Variants in PRDM5 observed in about 807,000 individuals in gnomAD.
The protein encoded by PRDM5 is PR/SET domain 5, also known as PR domain zinc finger protein 5.
A neutral mutation model predicts 81.2 loss-of-function variants in PRDM5; 56 were observed. The observed-to-expected ratio is 0.69, with a 90% CI of 0.56 to 0.86. PRDM5 has a LOEUF of 0.86. Among genes scored for constraint, PRDM5 ranks in the 40% least tolerant of loss-of-function variants. The probability of loss-of-function intolerance (pLI) is 0.00; values close to 1 mark genes in which losing one functional copy is unlikely to be tolerated. For synonymous variants in PRDM5, 267 were observed against 256.4 expected, an observed-to-expected ratio of 1.04 and a Z score of -0.39; for missense variants, 697 against 770.1, an observed-to-expected ratio of 0.91 and a Z score of 1.12.
chr4:120,759,250 T>C (rs1479980889), intron 13 of PRDM5, among the ~76,000 whole-genome samples: 2 of 152,224 alleles, frequency 1.3e-5, no homozygotes, highest in East Asian at 3.8e-4. Flanking sequence ...CATTCTATCC[T>C]AGAATGTACT....
rs1734119518 is a variant in PRDM5, at chr4:120,692,460, T to C, written c.*2651A>G. On this transcript the variant is annotated 3_prime_UTR_variant, in exon 16 of 16. Transcript: ENST00000264808. Reference sequence around the variant, plus strand: ...ACCAAGAATACTTCCATGGTGCAACTGCTGATTATAATTTACCAATAAATG... The same window carrying C: ...ACCAAGAATACTTCCATGGTGCAACCGCTGATTATAATTTACCAATAAATG... 6.6e-6 allele frequency: 1 copy of C among 152,084 alleles called. No individual in the cohort carries two copies. The highest frequency in any genetic ancestry group is 1.5e-5 in the Non-Finnish European group (1 of 67,988). 9.4% of individuals were successfully genotyped at this position (152,084 alleles called of 1,614,324 possible). A position where few individuals can be genotyped will look rare whatever the true frequency, so the allele number is the denominator to read the frequency against.
chr4:120,742,945 C>T (rs1742312050), intron 14 of PRDM5, among the ~76,000 whole-genome samples: 1 of 152,004 alleles, frequency 6.6e-6, no homozygotes, highest in South Asian at 2.1e-4. Flanking sequence ...AAAGATACTC[C>T]TCGAGAAGAG....
At chr4:120,917,056 A>C (rs1037673556) in intron 1 of PRDM5, among the ~76,000 whole-genome samples, 14 of 152,200 alleles carry the variant, frequency 9.2e-5, no homozygotes, top group African/African-American at 2.9e-4. Context: ...CACGCAAAGT[A>C]AAAGTCAAAG....
chr4:120,919,411 T>C (rs2148720266), intron 1 of PRDM5, among the ~76,000 whole-genome samples: 1 of 152,302 alleles, frequency 6.6e-6, no homozygotes, highest in African/African-American at 2.4e-5. Flanking sequence ...ACCTACAGCC[T>C]AAAATATCCA....
chr4:120,771,803 T>C (rs1747337765), intron 13 of PRDM5, among the ~76,000 whole-genome samples: 1 of 152,182 alleles, frequency 6.6e-6, no homozygotes, highest in Non-Finnish European at 1.5e-5. Context: ...AGTAAAGGCT[T>C]GCCACGGTAT....
intron 14 of PRDM5, among the ~76,000 whole-genome samples, chr4:120,747,340 C>G (rs1170834572): frequency 1.3e-5 from 2 of 149,028 alleles, no homozygotes; most frequent in South Asian, 4.3e-4. Context: ...TGCTAGATGA[C>G]GAGTTAGTGG....
At chr4:120,860,075 C>T (rs754792800) in intron 2 of PRDM5, among the ~76,000 whole-genome samples, 1 of 152,130 alleles carries the variant, frequency 6.6e-6, no homozygotes, top group Non-Finnish European at 1.5e-5. Flanking sequence ...CCTTTATAAA[C>T]AATCCATATT....
At chr4:120,760,126 C>A (rs891312688) in intron 13 of PRDM5, among the ~76,000 whole-genome samples, 2 of 152,182 alleles carry the variant, frequency 1.3e-5, no homozygotes, top group Non-Finnish European at 2.9e-5. Context: ...CATGCCATCA[C>A]ATAAATTAGT....
intron 14 of PRDM5, among the ~76,000 whole-genome samples, chr4:120,712,425 C>G (rs7657769): frequency 6.6e-6 from 1 of 151,826 alleles, no homozygotes; most frequent in African/African-American, 2.4e-5. Flanking sequence ...ATGTAAATAA[C>G]CAGAGAGACA....
chr4:120,891,442 T>C (rs76843743), intron 2 of PRDM5, among the ~76,000 whole-genome samples: 9,317 of 152,234 alleles, frequency 0.061, 368 homozygotes, highest in East Asian at 0.15. Flanking sequence ...TTAGTCTAAC[T>C]AGTGGTCCAT....
At chr4:120,802,277 C>G (rs1206317270) in intron 8 of PRDM5, among the ~76,000 whole-genome samples, 1 of 152,156 alleles carries the variant, frequency 6.6e-6, no homozygotes, top group Non-Finnish European at 1.5e-5. Context: ...GAGGGCAGTT[C>G]CAAGATCGCT....
At chr4:120,803,579 C>A (rs1204482766) in intron 8 of PRDM5, among the ~76,000 whole-genome samples, 2 of 152,138 alleles carry the variant, frequency 1.3e-5, no homozygotes, top group Non-Finnish European at 2.9e-5. Flanking sequence ...GAATTTTCAA[C>A]CCAGCATTTC....
At chr4:120,862,243 T>C (rs1019705494) in intron 2 of PRDM5, among the ~76,000 whole-genome samples, 2 of 152,354 alleles carry the variant, frequency 1.3e-5, no homozygotes, top group Middle Eastern at 3.4e-3. Context: ...CATTTCTTTA[T>C]TGGTTATTTT....
intron 1 of PRDM5, among the ~76,000 whole-genome samples, chr4:120,908,931 G>A (rs1766166127): frequency 6.6e-6 from 1 of 152,090 alleles, no homozygotes; most frequent in Non-Finnish European, 1.5e-5. Context: ...GCCCCAAAGA[G>A]GCTTTCTTTA....
intron 11 of PRDM5, among the ~76,000 whole-genome samples, chr4:120,783,957 CT>C (rs1431676841): frequency 6.6e-6 from 1 of 152,096 alleles, no homozygotes; most frequent in African/African-American, 2.4e-5. Flanking sequence ...AAATTAATTA[CT>C]TTTTTCTTTC....
At chr4:120,818,574 C>G (rs1247613935) in intron 4 of PRDM5, 47 bp from the exon 5 acceptor site, 1 of 1,510,824 alleles carries the variant, frequency 6.6e-7, no homozygotes, top group Non-Finnish European at 9.2e-7. Context: ...AATTCAGAGC[C>G]AAGAAATGCT....
chr4:120,701,625 C>T (rs757715687), intron 15 of PRDM5, among the ~76,000 whole-genome samples: 7 of 151,678 alleles, frequency 4.6e-5, no homozygotes, highest in African/African-American at 1.5e-4. Context: ...GGGAGCTAAA[C>T]ATTAACATAA....
intron 3 of PRDM5, among the ~76,000 whole-genome samples, chr4:120,831,843 G>T (rs530470133): frequency 1.3e-5 from 2 of 152,224 alleles, no homozygotes; most frequent in African/African-American, 4.8e-5. Flanking sequence ...AAAATAAAAT[G>T]TTTGAAGTAT....
chr4:120,791,736 C>G (rs966467411), intron 10 of PRDM5, among the ~76,000 whole-genome samples: 1 of 152,170 alleles, frequency 6.6e-6, no homozygotes, highest in African/African-American at 2.4e-5. Context: ...TGTGTCCGAC[C>G]AAAATTCATA....
Sources: gnomAD v4.1 joint callset for allele counts (sites outside exome capture counted in the v4.1 genomes callset) on GRCh38, gnomAD v4.1.1 for gene constraint, MANE v1.5 for transcripts, NCBI Gene and HGNC (gene_info 2026-07-23, HGNC 2026-07-21) for gene names.